PCDHGA4: variants seen among roughly 807,000 people sequenced by gnomAD.
The protein encoded by PCDHGA4 is protocadherin gamma subfamily A, 4.
A neutral mutation model predicts 54.6 loss-of-function variants in PCDHGA4; 38 were observed. The ratio of observed to expected loss-of-function variants is 0.70; its 90% CI spans 0.54 to 0.91. The LOEUF is 0.91. PCDHGA4 is among the 40% of genes least tolerant of loss of function. The pLI is 0.00. For synonymous variants in PCDHGA4, 511 were observed against 512.9 expected, an observed-to-expected ratio of 1.00 and a Z score of 0.05; for missense variants, 1,298 against 1,220.9, an observed-to-expected ratio of 1.06 and a Z score of -0.94.
intron 1 of PCDHGA4, among the ~76,000 whole-genome samples, chr5:141,438,625 TATATATATATACACACAC>T (rs1351180774): frequency 3.0e-4 from 14 of 46,412 alleles, no homozygotes; most frequent in Middle Eastern, 8.3e-3. Context: ...TATATATATA[TATATATATATACACACAC>T]ACACACACAT....
At chr5:141,385,495 T>G in intron 1 of PCDHGA4, 1 of 1,391,982 alleles carries the variant, frequency 7.2e-7, no homozygotes, top group Non-Finnish European at 9.3e-7. Flanking sequence ...ACATAGGATA[T>G]AGTATTTCTT....
At chr5:141,413,115 A>C in intron 1 of PCDHGA4, 1 of 1,507,478 alleles carries the variant, frequency 6.6e-7, no homozygotes, top group Non-Finnish European at 8.9e-7. Context: ...AGACAAAGGA[A>C]CCGGTTGAAA....
intron 1 of PCDHGA4, chr5:141,364,717 C>A (rs1763499272): frequency 6.2e-7 from 1 of 1,613,970 alleles, no homozygotes; most frequent in Non-Finnish European, 8.5e-7. Flanking sequence ...TTAATGATAA[C>A]TTCCCGCGTT....
At position 141,487,855 on chromosome 5, in the gene PCDHGA4, A is replaced by G. The variant is rs1033833406; in HGVS notation, c.2515-6952A>G. The G allele has an allele frequency of 2.1e-6, 2 of 974,092 alleles. No homozygotes were observed. Among genetic ancestry groups the G allele is most frequent in the Non-Finnish European group, 3.0e-6 (2 of 668,870 alleles). The allele number at this position is 974,092 out of a possible 1,614,324, so 60.3% of individuals were successfully genotyped here. Reference sequence around the variant, plus strand: ...TATATCTGAGTAAGAAATGAAAGTAATTGGTGATCAAGAGCCAGGCTGTTG... The same window carrying G: ...TATATCTGAGTAAGAAATGAAAGTAGTTGGTGATCAAGAGCCAGGCTGTTG... On this transcript the variant is annotated intron_variant, in intron 1 of 3. Transcript: ENST00000571252. The surrounding 1 kb of genome is among the most constrained non-coding windows in gnomAD (Gnocchi z 5.0).
chr5:141,384,553 G>A (rs756336021), intron 1 of PCDHGA4: 3 of 1,614,152 alleles, frequency 1.9e-6, no homozygotes, highest in Admixed American at 1.7e-5. Context: ...GAGCCTGTTC[G>A]TGCTGGACCA....
At chr5:141,402,260 A>C (rs2094244604) in intron 1 of PCDHGA4, among the ~76,000 whole-genome samples, 2 of 152,144 alleles carry the variant, frequency 1.3e-5, no homozygotes, top group South Asian at 4.1e-4. Context: ...AACCCCAGAA[A>C]ATAATTTCAA....
intron 1 of PCDHGA4, among the ~76,000 whole-genome samples, chr5:141,450,006 CTTTTT>C (rs1554136305): frequency 1.5e-5 from 2 of 132,980 alleles, no homozygotes; most frequent in African/African-American, 2.8e-5. Flanking sequence ...TGCCATGTCT[CTTTTT>C]TTTTTTTTTT....
rs1164046040 is a variant in PCDHGA4, at chr5:141,476,557, C to A, written c.2515-18250C>A. ...AAATGAAATTGGAGATTAGCGAGGC[C>A]GTGGCTCCGGGGACGCGCTTTCCGC... is the stretch of plus-strand genomic sequence containing the variant. On this transcript the variant is annotated intron_variant, in intron 1 of 3. Transcript: ENST00000571252. This position sits in a 1 kb window ranked among gnomAD's most constrained non-coding sequence, Gnocchi z 7.6. The A allele has an allele frequency of 2.5e-6, 4 of 1,614,222 alleles. No individual in the cohort carries two copies. Among genetic ancestry groups the A allele is most frequent in the Admixed American group, 3.3e-5 (2 of 60,032 alleles).
intron 1 of PCDHGA4, chr5:141,375,149 A>G (rs1340397113): frequency 6.2e-7 from 1 of 1,613,944 alleles, no homozygotes. Flanking sequence ...AAGCAGAACA[A>G]TTGCTGAAAG....
chr5:141,361,081 A>G, intron 1 of PCDHGA4: 1 of 1,613,948 alleles, frequency 6.2e-7, no homozygotes, highest in Non-Finnish European at 8.5e-7. Context: ...AAGTAGTTAC[A>G]CTCTGAGTAT....
chr5:141,418,938 C>A, intron 1 of PCDHGA4: 3 of 1,613,738 alleles, frequency 1.9e-6, no homozygotes, highest in Non-Finnish European at 2.5e-6. Flanking sequence ...ATGGAGGATT[C>A]CCCTCCAGGA....
At position 141,477,269 on chromosome 5, in the gene PCDHGA4, G is replaced by A; in HGVS notation, c.2515-17538G>A. On this transcript the variant is annotated intron_variant, in intron 1 of 3. Coordinates refer to ENST00000571252, the MANE Select transcript of PCDHGA4 (RefSeq NM_018917.4). This position sits in a 1 kb window ranked among gnomAD's most constrained non-coding sequence, Gnocchi z 4.9. Reference sequence around the variant, plus strand: ...GACTGACCTGGATGCTGGCGAGAACGGGCTGGTGACCTGCGAAGTTCCACC... The same window carrying A: ...GACTGACCTGGATGCTGGCGAGAACAGGCTGGTGACCTGCGAAGTTCCACC... 1.9e-6 allele frequency: 3 copies of A among 1,614,154 alleles called. No individual in the cohort carries two copies. Among genetic ancestry groups the A allele is most frequent in the Non-Finnish European group, 2.5e-6 (3 of 1,180,030 alleles).
rs1214164512 is a variant in PCDHGA4 at position 141,366,098 on chromosome 5, A to G, written c.2514+8477A>G. ...CGCAGAACCTGGCTACCTGGTGACC[A>G]AGGTGGTAGCGGTGGACAAAGATTC... On this transcript the variant is annotated intron_variant, in intron 1 of 3. Coordinates refer to ENST00000571252, the MANE Select transcript of PCDHGA4 (RefSeq NM_018917.4). The G allele has an allele frequency of 1.9e-6, 3 of 1,614,214 alleles. No homozygotes were observed. In the Admixed American group the frequency reaches 5.0e-5, roughly 27 times the overall value.
Position 141,431,756 on chromosome 5 carries a change from G to T in PCDHGA4, c.2515-63051G>T. The T allele has an allele frequency of 6.2e-7, 1 of 1,614,236 alleles. No individual in the cohort carries two copies. Among genetic ancestry groups the T allele is most frequent in the South Asian group, 1.1e-5 (1 of 91,088 alleles). On this transcript the variant is annotated intron_variant, in intron 1 of 3. Transcript: ENST00000571252. This position sits in a 1 kb window ranked among gnomAD's most constrained non-coding sequence, Gnocchi z 4.8. Reference sequence around the variant, plus strand: ...TGCAGGATATTCTGCGCGAGCCAAAGTCCTGATCACTGTTCTGGACGTGAA... The same window carrying T: ...TGCAGGATATTCTGCGCGAGCCAAATTCCTGATCACTGTTCTGGACGTGAA...
rs762398968 is a variant in PCDHGA4, at chr5:141,357,089, G to C, written c.1982G>C (p.Arg661Pro). 2.0e-5 allele frequency: 32 copies of C among 1,613,878 alleles called. No homozygotes were observed. The highest frequency in any genetic ancestry group is 2.6e-5 in the Non-Finnish European group (31 of 1,179,952). ...GLHTGEVRTA[R>P]ALLDRDALKQ... ...CACACAGGCGAGGTGCGCACCGCAC[G>C]GGCCCTGCTGGACAGAGACGCGCTC... The change falls in exon 1 of 4, where the codon CGG (arginine) becomes CCG (proline). Residue 661 changes from arginine to proline, a missense_variant. Arg to Pro is a moderately radical substitution (Grantham distance 103). Coordinates refer to ENST00000571252, the MANE Select transcript of PCDHGA4 (RefSeq NM_018917.4).
In PCDHGA4 at chr5:141,431,615, G is replaced by C. The variant is rs1231591874; in HGVS notation, c.2515-63192G>C. The C allele has an allele frequency of 1.2e-6, 2 of 1,614,118 alleles. No individual in the cohort carries two copies. Among genetic ancestry groups the C allele is most frequent in the Non-Finnish European group, 8.5e-7 (1 of 1,180,050 alleles). ...GAGGTATTCCTTCCGGTATGTGGACGACAAGGCGGCCCAAGTTTTCAAACT... is the reference window on the plus strand; with the variant it reads ...GAGGTATTCCTTCCGGTATGTGGACCACAAGGCGGCCCAAGTTTTCAAACT... On this transcript the variant is annotated intron_variant, in intron 1 of 3. Coordinates refer to ENST00000571252, the MANE Select transcript of PCDHGA4 (RefSeq NM_018917.4). This position sits in a 1 kb window ranked among gnomAD's most constrained non-coding sequence, Gnocchi z 4.8.
chr5:141,376,553 G>A (rs746063311), intron 1 of PCDHGA4: 3 of 1,610,808 alleles, frequency 1.9e-6, no homozygotes, highest in Admixed American at 1.7e-5. Context: ...TGATCTTCCC[G>A]CAACCCAACT....
chr5:141,451,993 C>G (rs1235806360), intron 1 of PCDHGA4, among the ~76,000 whole-genome samples: 4 of 152,164 alleles, frequency 2.6e-5, no homozygotes, highest in African/African-American at 7.2e-5. Context: ...TCATTAGAAG[C>G]AAAATCACTT....
intron 1 of PCDHGA4, among the ~76,000 whole-genome samples, chr5:141,483,913 C>G (rs988014158): frequency 6.7e-6 from 1 of 148,188 alleles, no homozygotes; most frequent in African/African-American, 2.5e-5. Context: ...GTTTCCCACT[C>G]AGATTGCAGG....
Sources: gnomAD v4.1 joint callset for allele counts (sites outside exome capture counted in the v4.1 genomes callset) on GRCh38, gnomAD v4.1.1 for gene constraint, Gnocchi (gnomAD v3.1) non-coding constraint, MANE v1.5 for transcripts, NCBI Gene and HGNC (gene_info 2026-07-23, HGNC 2026-07-21) for gene names.